The following SPECC1 variants were observed in gnomAD, a reference collection of about 807,000 sequenced individuals.
SPECC1 encodes cytospin-B.
A neutral mutation model predicts 104.1 loss-of-function variants in SPECC1; 62 were observed. The ratio of observed to expected loss-of-function variants is 0.60; its 90% CI spans 0.49 to 0.74. The LOEUF (loss-of-function observed/expected upper bound fraction) is 0.74, where lower values mean the gene tolerates loss of function less well. Among genes scored for constraint, SPECC1 ranks in the 30% least tolerant of loss-of-function variants. The pLI is 0.00. For synonymous variants in SPECC1, 513 were observed against 501.6 expected (o/e 1.02, Z -0.30); for missense variants, 1,306 against 1,310.5 (o/e 1.00, Z 0.05).
At chr17:20,125,720 T>C (rs2049269600) in intron 3 of SPECC1, among the ~76,000 whole-genome samples, 1 of 152,270 alleles carries the variant, frequency 6.6e-6, no homozygotes, top group African/African-American at 2.4e-5. Flanking sequence ...TTTTAAAGGC[T>C]GAATAATATT....
At chr17:20,218,161 CTAGTGTTGTATA>C (rs1169819103) in intron 4 of SPECC1, among the ~76,000 whole-genome samples, 1 of 152,110 alleles carries the variant, frequency 6.6e-6, no homozygotes, top group African/African-American at 2.4e-5. Flanking sequence ...ATATTACTAC[CTAGTGTTGTATA>C]TATAATACAT....
chr17:20,203,004 G>C (rs1267915988), intron 3 of SPECC1, among the ~76,000 whole-genome samples: 1 of 151,998 alleles, frequency 6.6e-6, no homozygotes, highest in Non-Finnish European at 1.5e-5. Flanking sequence ...ATGTCATCAG[G>C]ATTCAGGATG....
At chr17:20,126,915 A>G (rs1042391306) in intron 3 of SPECC1, among the ~76,000 whole-genome samples, 1 of 152,062 alleles carries the variant, frequency 6.6e-6, no homozygotes, top group Non-Finnish European at 1.5e-5. Flanking sequence ...TACTTTGATT[A>G]TTGCTTCTCT....
At chr17:20,277,477 C>A (rs1360137542) in intron 12 of SPECC1, among the ~76,000 whole-genome samples, 2 of 152,110 alleles carry the variant, frequency 1.3e-5, no homozygotes, top group African/African-American at 4.8e-5. Flanking sequence ...TCACTTAGCT[C>A]CTTTTATTGG....
At chr17:20,054,803 C>T (rs772691232) in intron 1 of SPECC1, among the ~76,000 whole-genome samples, 5 of 152,038 alleles carry the variant, frequency 3.3e-5, no homozygotes, top group Non-Finnish European at 5.9e-5. Flanking sequence ...TAGGAGTGCA[C>T]CTCCACAGCT....
chr17:20,140,953 G>A, intron 3 of SPECC1, among the ~76,000 whole-genome samples: 1 of 152,158 alleles, frequency 6.6e-6, no homozygotes, highest in Admixed American at 6.5e-5. Context: ...TCCCCCGTTG[G>A]TGCCTTGACT....
intron 1 of SPECC1, among the ~76,000 whole-genome samples, chr17:20,068,789 T>C (rs1408236746): frequency 2.6e-5 from 4 of 152,210 alleles, no homozygotes; most frequent in Non-Finnish European, 5.9e-5. Context: ...ACTTGTATTG[T>C]ATAGTCTATT....
At chr17:20,188,888 A>G (rs1366184248) in intron 3 of SPECC1, among the ~76,000 whole-genome samples, 3 of 152,200 alleles carry the variant, frequency 2.0e-5, no homozygotes, top group African/African-American at 7.2e-5. Context: ...AGAAATAAAC[A>G]GGATTTTGCG....
At chr17:20,302,878 T>TAAAAAAAAAAAAAAA (rs35060925) in intron 13 of SPECC1, among the ~76,000 whole-genome samples, 1 of 61,860 alleles carries the variant, frequency 1.6e-5, no homozygotes. Context: ...TGAGCCCATC[T>TAAAAAAAAAAAAAAA]AAAAAAAAAA....
chr17:20,265,805 G>A (rs932762883), intron 12 of SPECC1, among the ~76,000 whole-genome samples: 1 of 152,184 alleles, frequency 6.6e-6, no homozygotes, highest in African/African-American at 2.4e-5. Flanking sequence ...TCTATCTTCT[G>A]CGTATGGTCA....
chr17:20,060,087 A>G (rs2152470543), intron 1 of SPECC1, among the ~76,000 whole-genome samples: 1 of 152,074 alleles, frequency 6.6e-6, no homozygotes, highest in African/African-American at 2.4e-5. Context: ...AATGTTTATC[A>G]TTAACTTTGG....
rs191113411 is a variant in SPECC1, at chr17:20,124,524, G to T, written c.283+13962G>T. Among the ~76,000 whole-genome samples, 504 of 152,244 alleles carry T rather than the reference G, an allele frequency of 3.3e-3. 3 individuals are homozygous for T. The highest frequency in any genetic ancestry group is 0.011 in the African/African-American group (466 of 41,550). On this transcript the variant is annotated intron_variant, in intron 3 of 14. Transcript: ENST00000395527. ...ATGAGAACCTGGAAAATCACAGAAT[G>T]CCAGGAATGAGTTTGTTCTTGTTTT... is the stretch of plus-strand genomic sequence containing the variant.
Position 20,318,824 on chromosome 17 carries a change from A to AT in SPECC1, c.*4770dup, listed in dbSNP as rs202190753. On this transcript the variant is annotated 3_prime_UTR_variant, in exon 15 of 15. Coordinates refer to ENST00000395527, the MANE Select transcript of SPECC1 (RefSeq NM_001243439.2). ...CTGTAGCATCCTGAATAGCACACTA[A>AT]TTTTTTTTTTTAGCACACTAACTTT... The AT allele has an allele frequency of 0.022, 4,147 of 186,796 alleles. 43 individuals carry two copies. The highest frequency in any genetic ancestry group is 0.13 in the East Asian group (1,479 of 11,250). The allele number at this position is 186,796 out of a possible 1,614,324, so 11.6% of individuals were successfully genotyped here.
chr17:20,257,308 A>G (rs1028550735), intron 10 of SPECC1, 143 bp from the exon 11 acceptor site: 39 of 931,446 alleles, frequency 4.2e-5, no homozygotes, highest in Non-Finnish European at 5.7e-5. Flanking sequence ...CCACATCCCT[A>G]TTGCATTTTT....
chr17:20,112,589 T>C lies in SPECC1; in HGVS notation c.283+2027T>C. On this transcript the variant is annotated intron_variant, in intron 3 of 14. Coordinates refer to ENST00000395527, the MANE Select transcript of SPECC1 (RefSeq NM_001243439.2). ...CAGTCTTGCACATGCAAATCTTTGC[T>C]GTGCAAATCTTAAACAAGCTGATCT... The C allele has an allele frequency of 3.6e-6, 3 of 844,484 alleles. No individual in the cohort carries two copies. The South Asian group carries it at 4.0e-5, about 11-fold the overall frequency. The allele number at this position is 844,484 out of a possible 1,614,324, so 52.3% of individuals were successfully genotyped here.
In SPECC1 at chr17:20,086,396, C is replaced by A. The variant is rs573722105; in HGVS notation, c.-21-10235C>A. 8.5e-5 allele frequency among the ~76,000 whole-genome samples: 13 copies of A among 152,318 alleles called. 1 individual carries two copies. Among genetic ancestry groups the A allele is most frequent in the East Asian group, 1.9e-4 (1 of 5,182 alleles). On this transcript the variant is annotated intron_variant, in intron 1 of 14. Transcript: ENST00000395527. ...ACTGCCAGGGACCCTCCTCAGCCAG[C>A]CTCTTCACATGCCGAGGCCACAGCA...
At chr17:20,131,743 G>A (rs957982471) in intron 3 of SPECC1, among the ~76,000 whole-genome samples, 3 of 147,190 alleles carry the variant, frequency 2.0e-5, no homozygotes, top group East Asian at 2.1e-4. Context: ...TCTGCCTCCC[G>A]AGTTCAAGCA....
At chr17:20,014,674 G>T (rs554723753) in intron 1 of SPECC1, among the ~76,000 whole-genome samples, 143 of 152,152 alleles carry the variant, frequency 9.4e-4, no homozygotes, top group Middle Eastern at 3.4e-3. Context: ...TCGTTTCTTT[G>T]TAGTTAATGT....
At chr17:20,236,774 C>A in intron 7 of SPECC1, 1 of 1,546,752 alleles carries the variant, frequency 6.5e-7, no homozygotes, top group Non-Finnish European at 8.9e-7. Context: ...ACAGTGTAAG[C>A]TGGAAATTCT....
Sources: gnomAD v4.1 joint callset for allele counts (sites outside exome capture counted in the v4.1 genomes callset) on GRCh38, gnomAD v4.1.1 for gene constraint, MANE v1.5 for transcripts, NCBI Gene and HGNC (gene_info 2026-07-23, HGNC 2026-07-21) for gene names.